Variants in REEP1 observed in about 807,000 individuals in gnomAD.
The protein encoded by REEP1 is receptor accessory protein 1.
Under a neutral mutation model 40.3 loss-of-function variants are expected in REEP1, and 22 were observed. The observed-to-expected ratio is 0.55, with a 90% confidence interval of 0.39 to 0.78. The LOEUF (loss-of-function observed/expected upper bound fraction) is 0.78. REEP1 is among the 30% of genes least tolerant of loss of function. REEP1 has a pLI of 0.00. For missense variants in REEP1, 280 were observed against 361.1 expected, an observed-to-expected ratio of 0.78 and a Z score of 1.82; for synonymous variants, 116 against 139.2, an observed-to-expected ratio of 0.83 and a Z score of 1.17.
chr2:86,241,525 C>G (rs991883366), intron 5 of REEP1, among the ~76,000 whole-genome samples: 1 of 152,178 alleles, frequency 6.6e-6, no homozygotes, highest in Non-Finnish European at 1.5e-5. Context: ...CAGTGAGGGA[C>G]AGTCCAGGTA....
intron 2 of REEP1, among the ~76,000 whole-genome samples, chr2:86,271,709 C>T (rs2104346628): frequency 6.6e-6 from 1 of 152,334 alleles, no homozygotes; most frequent in East Asian, 1.9e-4. Context: ...GCCAGGTTGT[C>T]TGTAGCAGCA....
Position 86,333,658 on chromosome 2 carries a change from C to A in REEP1, c.32+3821G>T, listed in dbSNP as rs74717497. Among the ~76,000 whole-genome samples the A allele has an allele frequency of 9.0e-3, 1,376 of 152,298 alleles. 27 individuals carry two copies. Among genetic ancestry groups the A allele is most frequent in the African/African-American group, 0.031 (1,298 of 41,550 alleles). ...GAATAATGCTTCAAAATGGCATATT[C>A]TTCCAAGAAGTCACAGAGCAACGTT... On this transcript the variant is annotated intron_variant, in intron 1 of 8. Coordinates refer to ENST00000538924, the MANE Select transcript of REEP1 (RefSeq NM_001371279.1).
intron 2 of REEP1, among the ~76,000 whole-genome samples, chr2:86,268,782 A>T (rs1294221464): frequency 6.6e-6 from 1 of 152,252 alleles, no homozygotes. Context: ...ATAAACAAAT[A>T]GATAAATGGA....
chr2:86,337,522 G>A lies in REEP1; in HGVS notation c.-12C>T. ...ATCCATGACACCATGGCGGGCAGGC[G>A]GGCGGGCGAGGCCCGGGCGGCGCGG... On this transcript the variant is annotated 5_prime_UTR_variant, in exon 1 of 9. Coordinates refer to ENST00000538924, the MANE Select transcript of REEP1 (RefSeq NM_001371279.1). This position sits in a 1 kb window ranked among gnomAD's most constrained non-coding sequence, Gnocchi z 5.8. The A allele has an allele frequency of 4.7e-6, 6 of 1,272,462 alleles. No individual in the cohort carries two copies. The highest frequency in any genetic ancestry group is 2.6e-5 in the South Asian group (1 of 37,796). 78.8% of individuals were successfully genotyped at this position (1,272,462 alleles called of 1,614,324 possible).
chr2:86,243,676 T>C (rs956696474), intron 5 of REEP1, among the ~76,000 whole-genome samples: 1 of 152,148 alleles, frequency 6.6e-6, no homozygotes, highest in Non-Finnish European at 1.5e-5. Context: ...TGGGTACGAG[T>C]TGACTAATAT....
At chr2:86,291,236 G>A (rs1312811820) in intron 1 of REEP1, among the ~76,000 whole-genome samples, 2 of 152,202 alleles carry the variant, frequency 1.3e-5, no homozygotes, top group Non-Finnish European at 2.9e-5. Context: ...TGAATGAGGA[G>A]TAGGAGAGTG....
rs191008487 is a variant in REEP1 at position 86,228,480 on chromosome 2, C to T, written c.596-1082G>A. ...ACTTTTTTTTTTTTTTTTAATGAGA[C>T]AGAGTTTCACTCTTGTTGCCCAGGC... is the stretch of plus-strand genomic sequence containing the variant. On this transcript the variant is annotated intron_variant, in intron 6 of 8. Transcript: ENST00000538924. 9.8e-3 allele frequency among the ~76,000 whole-genome samples: 1,441 copies of T among 146,798 alleles called. 11 individuals carry two copies. Among genetic ancestry groups the T allele is most frequent in the Non-Finnish European group, 0.016 (1,043 of 67,008 alleles).
chr2:86,327,436 T>C (rs1164286672), intron 1 of REEP1, among the ~76,000 whole-genome samples: 1 of 152,112 alleles, frequency 6.6e-6, no homozygotes, highest in Non-Finnish European at 1.5e-5. Flanking sequence ...GGGAGGCCAC[T>C]GCAAGGTAAG....
chr2:86,301,288 T>C (rs559146312), intron 1 of REEP1, among the ~76,000 whole-genome samples: 1 of 152,308 alleles, frequency 6.6e-6, no homozygotes, highest in South Asian at 2.1e-4. Context: ...TAGGAGCAGA[T>C]AATGGCAGCC....
In REEP1 at chr2:86,215,486, T is replaced by C. The variant is rs1674057008; in HGVS notation, c.*1553A>G. ...TAGTTGACTGACAGTAAGTTCTATA[T>C]GGTATATAACACTAATTCTCTAGTC... On this transcript the variant is annotated 3_prime_UTR_variant, in exon 9 of 9. Transcript: ENST00000538924. 6.6e-6 allele frequency: 1 copy of C among 152,650 alleles called. No homozygotes were observed. Among genetic ancestry groups the C allele is most frequent in the African/African-American group, 2.4e-5 (1 of 41,460 alleles). The allele number at this position is 152,650 out of a possible 1,614,324, so 9.5% of individuals were successfully genotyped here.
At chr2:86,277,067 T>C (rs550537185) in intron 2 of REEP1, among the ~76,000 whole-genome samples, 1 of 152,158 alleles carries the variant, frequency 6.6e-6, no homozygotes, top group African/African-American at 2.4e-5. Context: ...AGACTTATAT[T>C]GTCTCCTGGT....
chr2:86,297,161 G>T (rs953354063), intron 1 of REEP1, among the ~76,000 whole-genome samples: 2 of 152,242 alleles, frequency 1.3e-5, no homozygotes, highest in African/African-American at 4.8e-5. Flanking sequence ...CCTGCCCAGA[G>T]AGCTGGCCAG....
chr2:86,220,500 T>G (rs929903834), intron 7 of REEP1, among the ~76,000 whole-genome samples: 3 of 152,170 alleles, frequency 2.0e-5, no homozygotes, highest in Non-Finnish European at 4.4e-5. Flanking sequence ...AGGTGAATGC[T>G]CAGGGAAAGA....
chr2:86,246,052 T>C (rs1407158964), intron 5 of REEP1, among the ~76,000 whole-genome samples: 18 of 151,924 alleles, frequency 1.2e-4, no homozygotes, highest in African/African-American at 3.4e-4. Flanking sequence ...GCATGAGCCA[T>C]TGTGCCCAGC....
intron 7 of REEP1, among the ~76,000 whole-genome samples, chr2:86,221,570 C>A (rs975744721): frequency 6.6e-6 from 1 of 152,082 alleles, no homozygotes; most frequent in African/African-American, 2.4e-5. Context: ...CACTCTGAGA[C>A]CCGACAGTGC....
chr2:86,294,280 G>C (rs1244838378), intron 1 of REEP1, among the ~76,000 whole-genome samples: 2 of 152,054 alleles, frequency 1.3e-5, no homozygotes, highest in Non-Finnish European at 2.9e-5. Flanking sequence ...GGTTAAGATG[G>C]TAAATTTTAT....
chr2:86,262,337 G>A (rs1391617401), intron 3 of REEP1, among the ~76,000 whole-genome samples: 1 of 152,186 alleles, frequency 6.6e-6, no homozygotes, highest in Non-Finnish European at 1.5e-5. Context: ...GGGAGACAAG[G>A]GATGGCTCAG....
chr2:86,297,548 G>T (rs140302097), intron 1 of REEP1: 2 of 206,144 alleles, frequency 9.7e-6, no homozygotes, highest in East Asian at 3.7e-4. Context: ...CTGGGGTGGA[G>T]TTGGTACAAG....
intron 1 of REEP1, among the ~76,000 whole-genome samples, chr2:86,284,751 C>T (rs554104910): frequency 1.3e-5 from 2 of 152,242 alleles, no homozygotes; most frequent in African/African-American, 2.4e-5. Context: ...CCCCGTGAAC[C>T]CGTGGGTCGT....
Sources: gnomAD v4.1 joint callset for allele counts (sites outside exome capture counted in the v4.1 genomes callset) on GRCh38, gnomAD v4.1.1 for gene constraint, Gnocchi (gnomAD v3.1) non-coding constraint, MANE v1.5 for transcripts, NCBI Gene and HGNC (gene_info 2026-07-23, HGNC 2026-07-21) for gene names.